The following SLC28A2 variants were observed in gnomAD, a reference collection of about 807,000 sequenced individuals.
SLC28A2 encodes solute carrier family 28 member 2.
A neutral mutation model predicts 72.9 loss-of-function variants in SLC28A2; 69 were observed. The ratio of observed to expected loss-of-function variants is 0.95; its 90% confidence interval spans 0.78 to 1.16. The LOEUF is 1.16. Ranked by LOEUF, SLC28A2 falls within the 50% of genes most tolerant of loss-of-function variation. The pLI is 0.00. For synonymous variants in SLC28A2, 296 were observed against 294.1 expected (o/e 1.01, Z -0.07); for missense variants, 745 against 791.1 (o/e 0.94, Z 0.70).
chr15:45,267,789 C>T lies in SLC28A2; in HGVS notation c.1192C>T (p.Pro398Ser), dbSNP rs753379961. 54 of 1,613,940 alleles carry T rather than the reference C, an allele frequency of 3.3e-5. 1 individual carries two copies. In the South Asian group the frequency reaches 5.6e-4, roughly 17 times the overall value. ...KFKSEEGVKL[P>S]RGKERNVLEA... Reference sequence around the variant, plus strand: ...CAAGAGTGAGGAGGGGGTAAAGCTGCCCCGTGGGTGAGTCCAAGGAGGCAT... The same window carrying T: ...CAAGAGTGAGGAGGGGGTAAAGCTGTCCCGTGGGTGAGTCCAAGGAGGCAT... Residue 398 changes from proline to serine, a missense_variant, in exon 12 of 18, where the codon CCC (proline) becomes TCC (serine). By Grantham distance (74) the Pro-to-Ser change is moderately conservative. Coordinates refer to ENST00000347644, the MANE Select transcript of SLC28A2 (RefSeq NM_004212.4).
Position 45,272,392 on chromosome 15 carries a change from A to C in SLC28A2, c.1746A>C (p.Ala582=), listed in dbSNP as rs1900602820. 2.5e-6 allele frequency: 4 copies of C among 1,611,342 alleles called. No homozygotes were observed. Among genetic ancestry groups the C allele is most frequent in the Non-Finnish European group, 3.4e-6 (4 of 1,177,944 alleles). The part of the protein sequence containing the change: ...ACVSLISACM[A]GILYVPRGAE... ...TATCCCTTATCAGTGCCTGTATGGC[A>C]GGTAGGTGCCTCAGCTCTGATGGAG... Residue 582 remains alanine (A), a splice_region_variant and synonymous_variant, in exon 16 of 18, where the codon GCA becomes GCC. Transcript: ENST00000347644.
chr15:45,255,650 T>C (rs777760776), intron 3 of SLC28A2, among the ~76,000 whole-genome samples: 27 of 152,174 alleles, frequency 1.8e-4, no homozygotes, highest in Non-Finnish European at 3.5e-4. Context: ...TGATTTCAAG[T>C]AACCAAAGGG....
chr15:45,257,173 C>A (rs556528246), intron 3 of SLC28A2, among the ~76,000 whole-genome samples: 1 of 152,206 alleles, frequency 6.6e-6, no homozygotes, highest in South Asian at 2.1e-4. Context: ...TGCCCAAATA[C>A]AACACATATT....
rs1900207642 is a variant in SLC28A2 at position 45,262,994 on chromosome 15, C to T, written c.263-67C>T. 5.8e-6 allele frequency: 8 copies of T among 1,373,934 alleles called. No individual in the cohort carries two copies. The East Asian group carries it at 1.8e-4, about 32-fold the overall frequency. 85.1% of individuals were successfully genotyped at this position (1,373,934 alleles called of 1,614,324 possible). Reference sequence around the variant, plus strand: ...TGCTCTAAGTCCCAGGCATTCATGACTGGAGTTTCATTTGCCCATTGGAAG... The same window carrying T: ...TGCTCTAAGTCCCAGGCATTCATGATTGGAGTTTCATTTGCCCATTGGAAG... On this transcript the variant is annotated intron_variant, in intron 4 of 17. Coordinates refer to ENST00000347644, the MANE Select transcript of SLC28A2 (RefSeq NM_004212.4).
intron 15 of SLC28A2, among the ~76,000 whole-genome samples, chr15:45,271,577 A>AAAGGAAGGAAGTAAGGAAGGAAGGAAGG (rs1900571248): frequency 7.7e-6 from 1 of 130,278 alleles, no homozygotes; most frequent in African/African-American, 3.2e-5. Flanking sequence ...AAAAAGAAGA[A>AAAGGAAGGAAGTAAGGAAGGAAGGAAGG]AAGGAAGGAA....
chr15:45,265,932 T>C, intron 9 of SLC28A2, 149 bp from the exon 10 acceptor site: 2 of 651,128 alleles, frequency 3.1e-6, no homozygotes, highest in South Asian at 3.8e-5. Flanking sequence ...CAAGGCTCTG[T>C]TTCTAAGTTG....
At chr15:45,259,462 C>T (rs1284359859) in intron 3 of SLC28A2, among the ~76,000 whole-genome samples, 1 of 152,178 alleles carries the variant, frequency 6.6e-6, no homozygotes, top group Non-Finnish European at 1.5e-5. Context: ...TGAGCCACTG[C>T]ACCCAGCCAA....
intron 9 of SLC28A2, 87 bp downstream of exon 9, chr15:45,265,750 G>C (rs1254636626): frequency 3.3e-6 from 3 of 921,312 alleles, no homozygotes; most frequent in African/African-American, 3.2e-5. Context: ...CTAAGGTCTA[G>C]AGTGTTAGAA....
At chr15:45,259,588 T>G (rs573680011) in intron 3 of SLC28A2, among the ~76,000 whole-genome samples, 165 of 152,348 alleles carry the variant, frequency 1.1e-3, no homozygotes, top group Non-Finnish European at 1.8e-3. Context: ...GGCAAATCAT[T>G]TTTATGAGTT....
intron 3 of SLC28A2, chr15:45,253,725 A>C: frequency 6.7e-6 from 3 of 445,244 alleles, no homozygotes; most frequent in Non-Finnish European, 1.2e-5. Flanking sequence ...GTTGGACTGA[A>C]AATAAAAATA....
intron 3 of SLC28A2, among the ~76,000 whole-genome samples, chr15:45,261,505 C>A (rs1405380337): frequency 1.3e-5 from 2 of 152,088 alleles, no homozygotes; most frequent in Non-Finnish European, 2.9e-5. Context: ...CTTGAATATC[C>A]CTACTTGCTG....
intron 17 of SLC28A2, 100 bp from the exon 18 acceptor site, chr15:45,275,296 T>G: frequency 4.3e-6 from 3 of 705,812 alleles, no homozygotes; most frequent in African/African-American, 1.8e-5. Flanking sequence ...ATTTACAGGT[T>G]TTTGTTTTTG....
At chr15:45,271,494 C>T (rs945948510) in intron 15 of SLC28A2, among the ~76,000 whole-genome samples, 5 of 151,462 alleles carry the variant, frequency 3.3e-5, no homozygotes, top group African/African-American at 9.7e-5. Flanking sequence ...GAACTCAGAT[C>T]GAGCCTCCAG....
chr15:45,263,270 C>T, intron 5 of SLC28A2, 26 bp downstream of exon 5: 2 of 1,606,578 alleles, frequency 1.2e-6, no homozygotes, highest in Middle Eastern at 1.7e-4. Flanking sequence ...CAATACCTGG[C>T]CTCACAGCTT....
chr15:45,270,139 T>C, intron 14 of SLC28A2, 56 bp from the exon 15 acceptor site: 2 of 1,191,826 alleles, frequency 1.7e-6, no homozygotes, highest in Non-Finnish European at 2.5e-6. Context: ...ATTGTGATTA[T>C]AAGACCGCAC....
chr15:45,262,538 C>A (rs544614503), intron 4 of SLC28A2, among the ~76,000 whole-genome samples: 1 of 152,062 alleles, frequency 6.6e-6, no homozygotes, highest in Non-Finnish European at 1.5e-5. Flanking sequence ...GTATATGGGG[C>A]TTTAATGTCA....
At chr15:45,264,803 T>C (rs1165958295) in intron 7 of SLC28A2, 35 bp downstream of exon 7, 5 of 1,276,922 alleles carry the variant, frequency 3.9e-6, no homozygotes, top group Non-Finnish European at 5.7e-6. Context: ...TTTTCTCTTT[T>C]AGAACCCTAG....
chr15:45,265,904 C>T (rs943390774), intron 9 of SLC28A2, among the ~76,000 whole-genome samples, 177 bp from the exon 10 acceptor site: 1 of 152,144 alleles, frequency 6.6e-6, no homozygotes, highest in Non-Finnish European at 1.5e-5. Flanking sequence ...CTAAAGGCAA[C>T]GAGTCCTGAG....
intron 12 of SLC28A2, 97 bp from the exon 13 acceptor site, chr15:45,268,113 C>A: frequency 8.0e-7 from 1 of 1,244,240 alleles, no homozygotes; most frequent in South Asian, 1.5e-5. Flanking sequence ...GGCCTTGCAC[C>A]CTCCTCCTGC....
Sources: allele counts gnomAD v4.1 joint callset (sites outside exome capture counted in the v4.1 genomes callset), GRCh38; gene constraint gnomAD v4.1.1; transcripts MANE v1.5; gene names NCBI Gene and HGNC (gene_info 2026-07-23, HGNC 2026-07-21).